The following RIMS1 variants were observed in gnomAD, a reference collection of about 807,000 sequenced individuals.
The protein encoded by RIMS1 is regulating synaptic membrane exocytosis 1, also known as regulating synaptic membrane exocytosis protein 1.
RIMS1 carries 83 observed loss-of-function variants against 214.1 expected under a neutral mutation model. The observed-to-expected ratio is 0.39, with a 90% CI of 0.32 to 0.47. The LOEUF is 0.47. Among genes scored for constraint, RIMS1 ranks in the 20% least tolerant of loss-of-function variants. RIMS1 has a pLI of 0.99. For synonymous variants in RIMS1, 793 were observed against 786.8 expected, an observed-to-expected ratio of 1.01 and a Z score of -0.13; for missense variants, 2,050 against 2,161.8, an observed-to-expected ratio of 0.95 and a Z score of 1.03.
intron 22 of RIMS1, among the ~76,000 whole-genome samples, chr6:72,267,031 G>A (rs1419829403): frequency 1.3e-5 from 2 of 152,026 alleles, no homozygotes; most frequent in Non-Finnish European, 2.9e-5. Flanking sequence ...AGGTACACGT[G>A]TGTATATACC....
rs1412771645 is a variant in RIMS1 at position 72,304,338 on chromosome 6, CT to C, written c.3851-2913del. The stretch of plus-strand genomic sequence containing the variant: ...TATAAAAATTTTAAATGACAGTAAT[CT>C]TTTTTTAAAGGAAGATATTTGAGCT... On this transcript the variant is annotated intron_variant, in intron 26 of 33. Transcript: ENST00000521978. Among the ~76,000 whole-genome samples the C allele has an allele frequency of 4.0e-5, 6 of 151,592 alleles. No individual in the cohort carries two copies. The East Asian group carries it at 5.8e-4, about 15-fold the overall frequency.
At chr6:72,097,292 T>C in intron 3 of RIMS1, 130 bp downstream of exon 3, 1 of 736,670 alleles carries the variant, frequency 1.4e-6, no homozygotes, top group Non-Finnish European at 2.3e-6. Flanking sequence ...TGAACCTCCC[T>C]CATTTTGTTC....
intron 4 of RIMS1, among the ~76,000 whole-genome samples, chr6:72,163,798 CTG>C (rs763572111): frequency 0.082 from 11,065 of 135,652 alleles, 1,970 homozygotes; most frequent in Non-Finnish European, 0.11. Flanking sequence ...CCCCTACTGG[CTG>C]GGGGGGGGGG....
At chr6:72,324,683 G>A (rs1593510772) in intron 28 of RIMS1, among the ~76,000 whole-genome samples, 1 of 151,892 alleles carries the variant, frequency 6.6e-6, no homozygotes, top group East Asian at 1.9e-4. Context: ...ACTTACGATA[G>A]TAAGTTTTTC....
At chr6:72,155,971 G>T in intron 4 of RIMS1, 1 of 230,032 alleles carries the variant, frequency 4.3e-6, no homozygotes, top group Non-Finnish European at 9.2e-6. Context: ...AAGATAACAA[G>T]TGTTGGTGAG....
At chr6:72,120,115 T>C (rs2037950502) in intron 4 of RIMS1, among the ~76,000 whole-genome samples, 1 of 151,856 alleles carries the variant, frequency 6.6e-6, no homozygotes, top group Non-Finnish European at 1.5e-5. Flanking sequence ...AATAAACATA[T>C]GTGTGCATGT....
At chr6:72,196,379 C>CTGTT (rs763978881) in intron 6 of RIMS1, among the ~76,000 whole-genome samples, 13,769 of 43,640 alleles carry the variant, frequency 0.32, 815 homozygotes, top group South Asian at 0.37. Flanking sequence ...GTCTGTCTGT[C>CTGTT]TATCTATCTA....
At chr6:71,981,239 G>C (rs144855264) in intron 2 of RIMS1, among the ~76,000 whole-genome samples, 1 of 152,042 alleles carries the variant, frequency 6.6e-6, no homozygotes, top group African/African-American at 2.4e-5. Flanking sequence ...TAACCCTCAT[G>C]AAACTTTATA....
chr6:71,928,132 G>A (rs1316543695), intron 1 of RIMS1, among the ~76,000 whole-genome samples: 1 of 152,108 alleles, frequency 6.6e-6, no homozygotes, highest in Admixed American at 6.6e-5. Context: ...AGAAAAGTAT[G>A]TGATGATTCC....
At chr6:71,924,130 G>A (rs1294347490) in intron 1 of RIMS1, among the ~76,000 whole-genome samples, 1 of 152,078 alleles carries the variant, frequency 6.6e-6, no homozygotes, top group Admixed American at 6.5e-5. Flanking sequence ...GTTTTATTTT[G>A]CTATTGGATA....
chr6:72,358,462 A>G (rs1426180745), intron 29 of RIMS1, among the ~76,000 whole-genome samples: 2 of 152,094 alleles, frequency 1.3e-5, no homozygotes, highest in South Asian at 2.1e-4. Flanking sequence ...AGATTCCAGA[A>G]TTACTGGTTA....
intron 2 of RIMS1, among the ~76,000 whole-genome samples, chr6:72,036,972 A>G (rs1673296617): frequency 1.3e-5 from 2 of 152,200 alleles, no homozygotes; most frequent in Non-Finnish European, 2.9e-5. Context: ...CTGAGTAAGT[A>G]TCACATTCAT....
intron 30 of RIMS1, 148 bp downstream of exon 30, chr6:72,390,884 A>C: frequency 1.2e-6 from 1 of 821,028 alleles, no homozygotes; most frequent in South Asian, 2.0e-5. Context: ...GATGGCTTAT[A>C]AGTAAGTACA....
intron 6 of RIMS1, chr6:72,216,639 G>C (rs974348131): frequency 2.0e-6 from 2 of 985,590 alleles, no homozygotes; most frequent in Non-Finnish European, 2.4e-6. Flanking sequence ...ATCATTTCAG[G>C]TGAGTTTTCT....
intron 6 of RIMS1, among the ~76,000 whole-genome samples, chr6:72,187,523 G>A (rs1457590097): frequency 1.6e-4 from 21 of 129,826 alleles, no homozygotes; most frequent in Non-Finnish European, 2.8e-4. Flanking sequence ...CTGTCACCAG[G>A]CGGAGTACAG....
chr6:72,026,463 C>A (rs1486215441), intron 2 of RIMS1, among the ~76,000 whole-genome samples: 16 of 142,958 alleles, frequency 1.1e-4, no homozygotes, highest in African/African-American at 3.1e-4. Flanking sequence ...CCGCCCCCCC[C>A]CCCAACTTTT....
intron 1 of RIMS1, among the ~76,000 whole-genome samples, chr6:71,951,660 AAT>A (rs1491458710): frequency 2.5e-4 from 13 of 51,810 alleles, no homozygotes; most frequent in African/African-American, 8.2e-4. Context: ...ACGCTTAGCT[AAT>A]TTTTTTTTTT....
chr6:72,063,710 G>A (rs1385522693), intron 2 of RIMS1, among the ~76,000 whole-genome samples: 3 of 152,196 alleles, frequency 2.0e-5, no homozygotes, highest in Non-Finnish European at 4.4e-5. Flanking sequence ...ATTTTTAAAT[G>A]TGGTTCTTAA....
In RIMS1 at chr6:72,333,849, A is replaced by T. The variant is rs772920772; in HGVS notation, c.4366+14A>T. ...TTAGTCAAACAGGTGAGTGATGTGAATTCAACCTAAACAACTCAATTCTTT... is the reference window on the plus strand; with the variant it reads ...TTAGTCAAACAGGTGAGTGATGTGATTTCAACCTAAACAACTCAATTCTTT... On this transcript the variant is annotated intron_variant, in intron 29 of 33. Coordinates refer to ENST00000521978, the MANE Select transcript of RIMS1 (RefSeq NM_014989.7). 2.0e-6 allele frequency: 3 copies of T among 1,527,478 alleles called. No homozygotes were observed. In the Admixed American group the frequency reaches 5.8e-5, roughly 30 times the overall value. 94.6% of individuals were successfully genotyped at this position (1,527,478 alleles called of 1,614,324 possible).
Sources: gnomAD v4.1 joint callset for allele counts (sites outside exome capture counted in the v4.1 genomes callset) on GRCh38, gnomAD v4.1.1 for gene constraint, MANE v1.5 for transcripts, NCBI Gene and HGNC (gene_info 2026-07-23, HGNC 2026-07-21) for gene names.